The following NSD2 variants were observed in gnomAD, a reference collection of about 807,000 sequenced individuals.
The protein encoded by NSD2 is nuclear receptor binding SET domain protein 2.
Under a neutral mutation model 139.0 loss-of-function variants are expected in NSD2, and 12 were observed. That is an observed-to-expected ratio of 0.09 (90% CI 0.06 to 0.14). The LOEUF (loss-of-function observed/expected upper bound fraction) is 0.14. NSD2 is among the 10% of genes least tolerant of loss of function. The pLI is 1.00. For synonymous variants in NSD2, 669 were observed against 648.7 expected, an observed-to-expected ratio of 1.03 and a Z score of -0.48; for missense variants, 1,155 against 1,745.0, an observed-to-expected ratio of 0.66 and a Z score of 6.02.
chr4:1,918,693 A>C (rs1021946990), intron 5 of NSD2, 70 bp downstream of exon 5: 1 of 1,566,892 alleles, frequency 6.4e-7, no homozygotes, highest in Admixed American at 1.8e-5. Flanking sequence ...GTGCAGAATC[A>C]TCTGTTTCTC....
chr4:1,940,199 C>T, intron 9 of NSD2: 1 of 1,082,164 alleles, frequency 9.2e-7, no homozygotes, highest in East Asian at 4.6e-5. Flanking sequence ...CACACCACAC[C>T]TGATTCCTGT....
rs1427100573 is a variant in NSD2 at position 1,956,829 on chromosome 4, A to G, written c.2881+641A>G. 6.6e-6 allele frequency among the ~76,000 whole-genome samples: 1 copy of G among 152,258 alleles called. No homozygotes were observed. The highest frequency in any genetic ancestry group is 1.5e-5 in the Non-Finnish European group (1 of 68,048). Reference sequence around the variant, plus strand: ...GCACACGCTGTGTTGCAGCCGGGTCAGTGCTGGCTCCTGTGTGACTGCAGG... The same window carrying G: ...GCACACGCTGTGTTGCAGCCGGGTCGGTGCTGGCTCCTGTGTGACTGCAGG... On this transcript the variant is annotated intron_variant, in intron 15 of 21. Transcript: ENST00000508803. This position sits in a 1 kb window ranked among gnomAD's most constrained non-coding sequence, Gnocchi z 5.3.
chr4:1,943,218 G>A (rs891983943), intron 9 of NSD2: 2 of 1,041,610 alleles, frequency 1.9e-6, no homozygotes, highest in African/African-American at 3.3e-5. Flanking sequence ...CATAAAAGCA[G>A]AAGGTGTGCT....
rs1727402486 is a variant in NSD2 at position 1,978,728 on chromosome 4, A to T, written c.3917A>T (p.Glu1306Val). The T allele has an allele frequency of 6.2e-7, 1 of 1,613,990 alleles. No homozygotes were observed. The highest frequency in any genetic ancestry group is 8.5e-7 in the Non-Finnish European group (1 of 1,180,000). ...CTCTGCCCCAATTCGTTCTGTAAGG[A>T]GCACCAGGACGGGACAGCCTTCAGC... is the stretch of plus-strand genomic sequence containing the variant. The part of the protein sequence containing the change: ...CHLCPNSFCK[E>V]HQDGTAFSCT... The change falls in exon 22 of 22, where the codon GAG becomes GTG. Residue 1306 changes from glutamate to valine, a missense_variant. Around this residue, in one of 8 missense-constraint regions of NSD2, gnomAD observed 132 missense variants for 94.3 expected, o/e 1.40. Transcript: ENST00000508803.
chr4:1,950,444 A>G (rs571960610), intron 9 of NSD2, among the ~76,000 whole-genome samples: 5 of 152,328 alleles, frequency 3.3e-5, no homozygotes, highest in Non-Finnish European at 5.9e-5. Flanking sequence ...AGAACAAGTG[A>G]ACTGTGAAAT....
intron 1 of NSD2, among the ~76,000 whole-genome samples, chr4:1,873,215 T>C (rs1713998914): frequency 6.6e-6 from 1 of 152,212 alleles, no homozygotes; most frequent in South Asian, 2.1e-4. Context: ...TGTAAGCTTT[T>C]GTGAAGAGCT....
At chr4:1,961,678 A>G (rs1186340524) in intron 18 of NSD2, among the ~76,000 whole-genome samples, 3 of 152,216 alleles carry the variant, frequency 2.0e-5, no homozygotes, top group Non-Finnish European at 4.4e-5. Context: ...AAAAGTGGGC[A>G]TGGATAAAAG....
At position 1,957,930 on chromosome 4, in the gene NSD2, T is replaced by A; in HGVS notation, c.2882-3T>A. 1 of 1,613,972 alleles carries A rather than the reference T, an allele frequency of 6.2e-7. No homozygotes were observed. The highest frequency in any genetic ancestry group is 8.5e-7 in the Non-Finnish European group (1 of 1,179,904). ...CTTTACTCCTATTTCATTGACTTTTTAGCACTGCAAGAAGCTGAAGCTCGT... is the reference window on the plus strand; with the variant it reads ...CTTTACTCCTATTTCATTGACTTTTAAGCACTGCAAGAAGCTGAAGCTCGT... On this transcript the variant is annotated splice_region_variant and splice_polypyrimidine_tract_variant and intron_variant, in intron 15 of 21. Coordinates refer to ENST00000508803, the MANE Select transcript of NSD2 (RefSeq NM_001042424.3).
At chr4:1,964,154 T>C (rs1262183672) in intron 18 of NSD2, among the ~76,000 whole-genome samples, 1 of 152,124 alleles carries the variant, frequency 6.6e-6, no homozygotes, top group African/African-American at 2.4e-5. Context: ...GTGAACTAAG[T>C]GTATTAGAAA....
chr4:1,924,509 A>G (rs377199754), intron 5 of NSD2, among the ~76,000 whole-genome samples: 13 of 152,308 alleles, frequency 8.5e-5, no homozygotes, highest in South Asian at 8.3e-4. Context: ...TGGGACCCAA[A>G]TTGATCTCAG....
At chr4:1,924,623 G>T (rs1336199867) in intron 5 of NSD2, among the ~76,000 whole-genome samples, 1 of 151,932 alleles carries the variant, frequency 6.6e-6, no homozygotes, top group Non-Finnish European at 1.5e-5. Flanking sequence ...TTAAAACTGA[G>T]TTCTGGGCAG....
intron 18 of NSD2, among the ~76,000 whole-genome samples, chr4:1,963,286 C>T (rs1033284005): frequency 1.3e-5 from 2 of 151,826 alleles, no homozygotes; most frequent in African/African-American, 4.8e-5. Context: ...GTGTTTTAAC[C>T]CTCATGTGGG....
chr4:1,959,729 G>C lies in NSD2; in HGVS notation c.3244G>C (p.Asp1082His). The part of the protein sequence containing the change: ...GKGWGLVAKR[D>H]IRKGEFVNEY... The stretch of plus-strand genomic sequence containing the variant: ...AGGGTGGGGCCTGGTCGCCAAGAGG[G>C]ACATCAGAAAGGTATGTGTCGTTAT... Residue 1082 changes from aspartate to histidine, a missense_variant, in exon 17 of 22, where the codon GAC becomes CAC. This residue lies in a region of NSD2 where 139 missense variants were observed against 485.8 expected (regional missense o/e 0.29). Coordinates refer to ENST00000508803, the MANE Select transcript of NSD2 (RefSeq NM_001042424.3). 4.3e-6 allele frequency: 7 copies of C among 1,613,958 alleles called. No homozygotes were observed. Among genetic ancestry groups the C allele is most frequent in the Non-Finnish European group, 5.9e-6 (7 of 1,179,852 alleles).
rs1359239526 is a variant in NSD2, at chr4:1,976,716, C to CT, written c.3826+38dup. 1.3e-6 allele frequency: 2 copies of CT among 1,537,972 alleles called. No individual in the cohort carries two copies. Among genetic ancestry groups the CT allele is most frequent in the Non-Finnish European group, 8.8e-7 (1 of 1,139,748 alleles). ...GCCTCGCGGTGGCTTGCAGCTGTGTCTGTGTGGCAGGCTCCTGATGGCGGC... is the reference window on the plus strand; with the variant it reads ...GCCTCGCGGTGGCTTGCAGCTGTGTCTTGTGTGGCAGGCTCCTGATGGCGGC... On this transcript the variant is annotated intron_variant, in intron 21 of 21. Transcript: ENST00000508803. This position sits in a 1 kb window ranked among gnomAD's most constrained non-coding sequence, Gnocchi z 5.3.
intron 4 of NSD2, among the ~76,000 whole-genome samples, chr4:1,917,906 T>A (rs946890071): frequency 1.3e-5 from 2 of 150,608 alleles, no homozygotes; most frequent in Non-Finnish European, 3.0e-5. Flanking sequence ...TCAGCCTCCC[T>A]AGTAGCTGGG....
chr4:1,977,440 G>A (rs1727210932), intron 21 of NSD2, among the ~76,000 whole-genome samples: 1 of 152,176 alleles, frequency 6.6e-6, no homozygotes, highest in African/African-American at 2.4e-5. Flanking sequence ...TGACTGTGTG[G>A]AATCACAGAA....
In NSD2 at chr4:1,955,796, T is replaced by C; in HGVS notation, c.2622T>C (p.Ala874=). 6.2e-7 allele frequency: 1 copy of C among 1,614,206 alleles called. No homozygotes were observed. The highest frequency in any genetic ancestry group is 8.5e-7 in the Non-Finnish European group (1 of 1,180,014). The part of the protein sequence containing the change: ...DGSWFCNDCR[A]GKKLHFQDII... The stretch of plus-strand genomic sequence containing the variant: ...GCTGGTTCTGCAATGACTGCAGGGC[T>C]GGGAAGAAGCTGCACTTCCAGGATA... The change falls in exon 14 of 22, where the codon GCT becomes GCC. Residue 874 remains alanine (A), a synonymous_variant. Coordinates refer to ENST00000508803, the MANE Select transcript of NSD2 (RefSeq NM_001042424.3). The surrounding 1 kb of genome is among the most constrained non-coding windows in gnomAD (Gnocchi z 4.7).
At chr4:1,898,419 C>G (rs757373397) in intron 1 of NSD2, among the ~76,000 whole-genome samples, 1 of 152,184 alleles carries the variant, frequency 6.6e-6, no homozygotes. Flanking sequence ...AATCCCAGCA[C>G]TTTGGGAGGC....
At chr4:1,893,331 G>T (rs1454352149) in intron 1 of NSD2, among the ~76,000 whole-genome samples, 1 of 152,222 alleles carries the variant, frequency 6.6e-6, no homozygotes, top group South Asian at 2.1e-4. Flanking sequence ...TGAGCCAGGC[G>T]TGGTGATGCA....
Sources: gnomAD v4.1 joint callset for allele counts (sites outside exome capture counted in the v4.1 genomes callset) on GRCh38, gnomAD v4.1.1 for gene constraint, gnomAD v4.1.1 regional missense constraint, Gnocchi (gnomAD v3.1) non-coding constraint, MANE v1.5 for transcripts, NCBI Gene and HGNC (gene_info 2026-07-23, HGNC 2026-07-21) for gene names.